The following KALRN variants were observed in gnomAD, a reference collection of about 807,000 sequenced individuals.
The protein encoded by KALRN is kalirin.
A neutral mutation model predicts 353.7 loss-of-function variants in KALRN; 70 were observed. The ratio of observed to expected loss-of-function variants is 0.20; its 90% CI spans 0.16 to 0.24. The LOEUF is 0.24. Ranked by LOEUF, KALRN falls within the 10% of genes least tolerant of loss-of-function variation. The probability of loss-of-function intolerance (pLI) is 1.00; values close to 1 mark genes in which losing one functional copy is unlikely to be tolerated. For synonymous variants in KALRN, 1,391 were observed against 1,434.8 expected (o/e 0.97, Z 0.69); for missense variants, 2,791 against 3,756.7 (o/e 0.74, Z 6.72).
At chr3:124,490,282 G>A (rs1251056592) in intron 29 of KALRN, among the ~76,000 whole-genome samples, 3 of 152,166 alleles carry the variant, frequency 2.0e-5, no homozygotes, top group Non-Finnish European at 4.4e-5. Context: ...ATAAAGAGGA[G>A]CTGAAGACAC....
chr3:124,541,469 TAAAA>T (rs201684869), intron 33 of KALRN, among the ~76,000 whole-genome samples: 1 of 148,170 alleles, frequency 6.7e-6, no homozygotes, highest in Non-Finnish European at 1.5e-5. Flanking sequence ...AAATTAAAAT[TAAAA>T]AAAAAACCCA....
chr3:124,703,250 A>G (rs144118190), intron 57 of KALRN, among the ~76,000 whole-genome samples: 1,997 of 152,264 alleles, frequency 0.013, 11 homozygotes, highest in Middle Eastern at 0.034. Flanking sequence ...ACCTTTCATC[A>G]AAAACAAACT....
At chr3:124,060,745 G>A (rs1337219290) in intron 1 of KALRN, among the ~76,000 whole-genome samples, 1 of 152,256 alleles carries the variant, frequency 6.6e-6, no homozygotes, top group Non-Finnish European at 1.5e-5. Flanking sequence ...GAGTTGCTGA[G>A]CATGCGGTGA....
At chr3:124,404,893 A>G (rs964270976) in intron 13 of KALRN, among the ~76,000 whole-genome samples, 6 of 151,992 alleles carry the variant, frequency 3.9e-5, no homozygotes, top group African/African-American at 1.4e-4. Flanking sequence ...TTCTTCCATA[A>G]AAACCATTCG....
chr3:124,189,650 A>G (rs1009253075), intron 1 of KALRN, among the ~76,000 whole-genome samples: 3 of 152,100 alleles, frequency 2.0e-5, no homozygotes, highest in African/African-American at 7.2e-5. Flanking sequence ...TAATAATACA[A>G]AATATTAGGC....
Position 124,334,374 on chromosome 3 carries a change from T to C in KALRN, c.1526T>C (p.Val509Ala). 6.2e-7 allele frequency: 1 copy of C among 1,614,254 alleles called. No homozygotes were observed. Among genetic ancestry groups the C allele is most frequent in the Non-Finnish European group, 8.5e-7 (1 of 1,180,036 alleles). Residue 509 changes from valine (V) to alanine (A), a missense_variant, in exon 9 of 60, where the codon GTG becomes GCG. Physicochemically the swap from Val to Ala is moderately conservative, Grantham distance 64. Transcript: ENST00000682506. This position sits in a 1 kb window ranked among gnomAD's most constrained non-coding sequence, Gnocchi z 4.2. ...TANYSKAVHQVLDVVHEVLHH... is the reference protein window; with the variant it reads ...TANYSKAVHQALDVVHEVLHH... The stretch of plus-strand genomic sequence containing the variant: ...AACTACTCCAAGGCAGTGCACCAGG[T>C]GCTGGACGTGGTGCATGAGGTGTTA...
intron 7 of KALRN, among the ~76,000 whole-genome samples, chr3:124,328,950 G>A (rs2080216184): frequency 6.6e-6 from 1 of 152,200 alleles, no homozygotes; most frequent in Non-Finnish European, 1.5e-5. Flanking sequence ...TATTTAGGCA[G>A]CTCTTTATTG....
At chr3:124,428,435 T>C (rs1205306510) in intron 15 of KALRN, among the ~76,000 whole-genome samples, 1 of 152,096 alleles carries the variant, frequency 6.6e-6, no homozygotes, top group Non-Finnish European at 1.5e-5. Context: ...GAAGGTACAA[T>C]TATCCTTATT....
chr3:124,644,497 C>A (rs947553533), intron 37 of KALRN, among the ~76,000 whole-genome samples: 1 of 151,926 alleles, frequency 6.6e-6, no homozygotes, highest in African/African-American at 2.4e-5. Flanking sequence ...CCCAGACAGG[C>A]CCCAGTGTGT....
At chr3:124,238,235 G>T (rs891201132) in intron 3 of KALRN, among the ~76,000 whole-genome samples, 4 of 150,616 alleles carry the variant, frequency 2.7e-5, no homozygotes, top group African/African-American at 9.8e-5. Context: ...TGAAGATGAA[G>T]AAAAAAAAAC....
chr3:124,254,460 T>A (rs866440963), intron 3 of KALRN, among the ~76,000 whole-genome samples: 1 of 150,128 alleles, frequency 6.7e-6, no homozygotes, highest in South Asian at 2.1e-4. Context: ...ATTGTAGTTT[T>A]ATGCACAAAT....
chr3:124,036,388 G>A (rs1192372429), intron 1 of KALRN, among the ~76,000 whole-genome samples: 1 of 151,820 alleles, frequency 6.6e-6, no homozygotes, highest in Middle Eastern at 3.2e-3. Flanking sequence ...GCTGCAAAGG[G>A]CATGATCTTA....
At chr3:124,350,730 T>G (rs933903587) in intron 10 of KALRN, among the ~76,000 whole-genome samples, 3 of 152,218 alleles carry the variant, frequency 2.0e-5, no homozygotes, top group African/African-American at 7.2e-5. Flanking sequence ...TCCCTGACTC[T>G]GCTTTCTGAT....
intron 1 of KALRN, among the ~76,000 whole-genome samples, chr3:124,037,689 A>T (rs922796655): frequency 3.1e-4 from 47 of 152,124 alleles, no homozygotes; most frequent in African/African-American, 1.1e-3. Flanking sequence ...GGCAGAAAGG[A>T]TGGGGAGTCA....
chr3:124,131,758 T>C (rs946370953), intron 1 of KALRN, among the ~76,000 whole-genome samples: 1 of 152,162 alleles, frequency 6.6e-6, no homozygotes, highest in Non-Finnish European at 1.5e-5. Flanking sequence ...AGAATGATGG[T>C]TCTTTTCCAG....
chr3:124,127,445 T>C (rs2064814951), intron 1 of KALRN, among the ~76,000 whole-genome samples: 1 of 152,182 alleles, frequency 6.6e-6, no homozygotes, highest in Non-Finnish European at 1.5e-5. Flanking sequence ...TAGACTAATT[T>C]ACCATTCTCT....
chr3:124,195,932 AG>A (rs1349196960), intron 1 of KALRN, among the ~76,000 whole-genome samples: 4 of 152,206 alleles, frequency 2.6e-5, no homozygotes, highest in Non-Finnish European at 5.9e-5. Context: ...AGAAATTCAC[AG>A]AGGGAAAGGG....
At chr3:124,712,914 C>G (rs1391862479) in intron 57 of KALRN, 21 bp from the exon 58 acceptor site, 14 of 1,572,562 alleles carry the variant, frequency 8.9e-6, no homozygotes, top group Middle Eastern at 1.7e-4. Context: ...TGTTGGCAAA[C>G]TCTCCCTTTT....
At chr3:124,143,200 C>T (rs561173568) in intron 1 of KALRN, among the ~76,000 whole-genome samples, 2 of 152,226 alleles carry the variant, frequency 1.3e-5, no homozygotes, top group African/African-American at 4.8e-5. Context: ...CTGGGTGCCT[C>T]CCCTCCTTTC....
Sources: gnomAD v4.1 joint callset for allele counts (sites outside exome capture counted in the v4.1 genomes callset) on GRCh38, gnomAD v4.1.1 for gene constraint, Gnocchi (gnomAD v3.1) non-coding constraint, MANE v1.5 for transcripts, NCBI Gene and HGNC (gene_info 2026-07-23, HGNC 2026-07-21) for gene names.